MTA3: variants seen among roughly 807,000 people sequenced by gnomAD.
MTA3 encodes the protein metastasis-associated protein MTA3.
A neutral mutation model predicts 83.5 loss-of-function variants in MTA3; 34 were observed. That is an observed-to-expected ratio of 0.41 (90% confidence interval 0.31 to 0.54). The LOEUF is 0.54. Among genes scored for constraint, MTA3 ranks in the 20% least tolerant of loss-of-function variants. MTA3 has a pLI of 0.33. For missense variants in MTA3, 761 were observed against 726.4 expected (o/e 1.05, Z -0.55); for synonymous variants, 303 against 252.7 (o/e 1.20, Z -1.89).
At chr2:42,508,580 G>A (rs1021713302) in intron 2 of MTA3, among the ~76,000 whole-genome samples, 1 of 151,550 alleles carries the variant, frequency 6.6e-6, no homozygotes, top group Non-Finnish European at 1.5e-5. Flanking sequence ...CAGTCCTCCC[G>A]CCTCAGGCTC....
intron 15 of MTA3, 100 bp from the exon 16 acceptor site, chr2:42,722,789 A>T (rs1487626577): frequency 7.3e-7 from 1 of 1,368,240 alleles, no homozygotes; most frequent in Admixed American, 2.2e-5. Context: ...ACTGACTCTC[A>T]GCTCATTAAG....
chr2:42,654,420 A>G (rs1401182261), intron 6 of MTA3, among the ~76,000 whole-genome samples: 1 of 152,220 alleles, frequency 6.6e-6, no homozygotes, highest in Non-Finnish European at 1.5e-5. Context: ...AAGCAAAACA[A>G]AGCCAAAGCA....
At chr2:42,515,474 G>A (rs1675101488) in intron 2 of MTA3, among the ~76,000 whole-genome samples, 1 of 152,010 alleles carries the variant, frequency 6.6e-6, no homozygotes. Flanking sequence ...ATGTGCTGCT[G>A]CATGCAGCTT....
intron 4 of MTA3, among the ~76,000 whole-genome samples, chr2:42,629,584 C>G (rs1459675099): frequency 6.6e-6 from 1 of 152,042 alleles, no homozygotes; most frequent in African/African-American, 2.4e-5. Context: ...GGGAGGAAAC[C>G]TCTAATCTAT....
intron 4 of MTA3, among the ~76,000 whole-genome samples, chr2:42,617,426 A>T (rs1410814474): frequency 6.6e-6 from 1 of 152,242 alleles, no homozygotes; most frequent in African/African-American, 2.4e-5. Flanking sequence ...ATGTTTTGAT[A>T]TAAAAAAAGC....
intron 16 of MTA3, among the ~76,000 whole-genome samples, chr2:42,725,349 G>C (rs1489158747): frequency 3.3e-5 from 5 of 152,200 alleles, no homozygotes; most frequent in Non-Finnish European, 5.9e-5. Context: ...ACTCAGATGT[G>C]ACTGATTTCA....
intron 4 of MTA3, among the ~76,000 whole-genome samples, chr2:42,638,911 A>G (rs1429985231): frequency 6.6e-6 from 1 of 151,164 alleles, no homozygotes; most frequent in Non-Finnish European, 1.5e-5. Context: ...TTTAATTTAA[A>G]GAGTATATAG....
At chr2:42,589,306 A>AT (rs1256870638) in intron 3 of MTA3, among the ~76,000 whole-genome samples, 1 of 152,162 alleles carries the variant, frequency 6.6e-6, no homozygotes, top group East Asian at 1.9e-4. Flanking sequence ...TATGTATTTA[A>AT]ATACATGATG....
At chr2:42,513,891 A>G (rs1675015161) in intron 2 of MTA3, among the ~76,000 whole-genome samples, 1 of 152,220 alleles carries the variant, frequency 6.6e-6, no homozygotes, top group African/African-American at 2.4e-5. Flanking sequence ...CCACTACCTC[A>G]AATTGAGACA....
chr2:42,530,834 T>G (rs1283518442), intron 2 of MTA3, among the ~76,000 whole-genome samples: 1 of 152,158 alleles, frequency 6.6e-6, no homozygotes, highest in Non-Finnish European at 1.5e-5. Flanking sequence ...TATTTTTTGT[T>G]TGTTTGTTTT....
chr2:42,683,020 G>A (rs1351964003), intron 9 of MTA3, among the ~76,000 whole-genome samples: 1 of 152,158 alleles, frequency 6.6e-6, no homozygotes, highest in African/African-American at 2.4e-5. Context: ...TCAGTGAGCC[G>A]AGATGGCACC....
intron 16 of MTA3, among the ~76,000 whole-genome samples, chr2:42,725,344 G>C (rs1667733551): frequency 6.6e-6 from 1 of 152,220 alleles, no homozygotes; most frequent in South Asian, 2.1e-4. Context: ...TTCCCACTCA[G>C]ATGTGACTGA....
intron 4 of MTA3, among the ~76,000 whole-genome samples, chr2:42,616,834 C>T (rs927707480): frequency 3.3e-5 from 5 of 151,238 alleles, no homozygotes; most frequent in African/African-American, 1.2e-4. Flanking sequence ...ATCCTCCTGC[C>T]TTGGCCTCCC....
chr2:42,664,577 G>A (rs997080040), intron 8 of MTA3, among the ~76,000 whole-genome samples: 5 of 136,118 alleles, frequency 3.7e-5, no homozygotes, highest in African/African-American at 1.4e-4. Context: ...GGGTTCAAGT[G>A]TTTCTCCTGC....
At chr2:42,621,736 A>G (rs1373732113) in intron 4 of MTA3, among the ~76,000 whole-genome samples, 1 of 148,522 alleles carries the variant, frequency 6.7e-6, no homozygotes, top group Non-Finnish European at 1.5e-5. Context: ...CACTTCTCAG[A>G]CGGGGCGGCT....
chr2:42,562,420 C>T (rs1374103731), intron 2 of MTA3, among the ~76,000 whole-genome samples: 2 of 152,116 alleles, frequency 1.3e-5, no homozygotes, highest in African/African-American at 2.4e-5. Context: ...CTTCCCTCCC[C>T]CTCCCCACCC....
intron 3 of MTA3, among the ~76,000 whole-genome samples, chr2:42,604,866 C>T (rs1432527518): frequency 6.7e-6 from 1 of 149,066 alleles, no homozygotes; most frequent in African/African-American, 2.5e-5. Context: ...CCTGAGTGGA[C>T]ACAGCACATG....
chr2:42,610,018 T>G (rs1683994206), intron 4 of MTA3, among the ~76,000 whole-genome samples: 1 of 152,140 alleles, frequency 6.6e-6, no homozygotes, highest in African/African-American at 2.4e-5. Context: ...GAGAATTGCT[T>G]GAATCTAGGA....
chr2:42,620,597 A>G (rs182511827), intron 4 of MTA3, among the ~76,000 whole-genome samples: 363 of 152,248 alleles, frequency 2.4e-3, no homozygotes, highest in African/African-American at 2.9e-3. Flanking sequence ...AGCTCAAGCA[A>G]TCCTGCCACC....
Sources: gnomAD v4.1 joint callset for allele counts (sites outside exome capture counted in the v4.1 genomes callset) on GRCh38, gnomAD v4.1.1 for gene constraint, MANE v1.5 for transcripts, NCBI Gene and HGNC (gene_info 2026-07-23, HGNC 2026-07-21) for gene names.